Variants in CDH23 observed in about 807,000 individuals in gnomAD.
CDH23 encodes cadherin-23.
A neutral mutation model predicts 317.1 loss-of-function variants in CDH23; 189 were observed. The observed-to-expected ratio is 0.60, with a 90% confidence interval of 0.53 to 0.67. CDH23 has a LOEUF of 0.67. Ranked by LOEUF, CDH23 falls within the 30% of genes least tolerant of loss-of-function variation. The pLI is 0.00. For missense variants in CDH23, 4,401 were observed against 4,592.4 expected (o/e 0.96, Z 1.20); for synonymous variants, 1,839 against 1,876.8 (o/e 0.98, Z 0.52).
chr10:71,426,871 C>T (rs1414208332), intron 1 of CDH23, among the ~76,000 whole-genome samples: 3 of 151,966 alleles, frequency 2.0e-5, no homozygotes, highest in Non-Finnish European at 2.9e-5. Flanking sequence ...TTTAGCTGGG[C>T]GCAGTGGCTC....
At chr10:71,805,001 A>G (rs1468603966) in intron 55 of CDH23, among the ~76,000 whole-genome samples, 1 of 152,182 alleles carries the variant, frequency 6.6e-6, no homozygotes, top group Non-Finnish European at 1.5e-5. Context: ...AATTATCTAT[A>G]TGTCGTCCTA....
intron 34 of CDH23, among the ~76,000 whole-genome samples, chr10:71,735,061 G>A (rs1344991216): frequency 6.6e-6 from 1 of 152,260 alleles, no homozygotes. Flanking sequence ...CTCAGAGGAT[G>A]AGATGGAAGC....
In CDH23 at chr10:71,751,954, C is replaced by T. The variant is rs987695520; in HGVS notation, c.4845+10033C>T. The T allele has an allele frequency of 7.8e-7, 1 of 1,285,022 alleles. No homozygotes were observed. The highest frequency in any genetic ancestry group is 1.5e-5 in the African/African-American group (1 of 67,754). The allele number at this position is 1,285,022 out of a possible 1,614,324, so 79.6% of individuals were successfully genotyped here. On this transcript the variant is annotated intron_variant, in intron 38 of 69. Coordinates refer to ENST00000224721, the MANE Select transcript of CDH23 (RefSeq NM_022124.6). The surrounding 1 kb of genome is among the most constrained non-coding windows in gnomAD (Gnocchi z 4.9). ...CAGTTTTTCTCTCCTCCCTTTCTCT[C>T]ACCTACATCCCCATCCCCAAGCCTC...
intron 28 of CDH23, 187 bp downstream of exon 28, chr10:71,713,000 G>C (rs1158055735): frequency 2.6e-6 from 2 of 776,750 alleles, no homozygotes; most frequent in Non-Finnish European, 2.2e-6. Context: ...GGGAGTGTGG[G>C]CCCCCAGGTT....
chr10:71,712,797 G>GT lies in CDH23; in HGVS notation c.3353_3354insT (p.His1119ProfsTer13). 6.2e-7 allele frequency: 1 copy of GT among 1,612,502 alleles called. No homozygotes were observed. The highest frequency in any genetic ancestry group is 8.5e-7 in the Non-Finnish European group (1 of 1,179,516). Reference sequence around the variant, plus strand: ...AGCGTCCCTGAGGACATCCCTGAAGGCCACAGCATCTTGCAGGCAGGTGGC... The same window carrying GT: ...AGCGTCCCTGAGGACATCCCTGAAGGTCCACAGCATCTTGCAGGCAGGTGGC... On this transcript the variant is annotated frameshift_variant, in exon 28 of 70. Coordinates refer to ENST00000224721, the MANE Select transcript of CDH23 (RefSeq NM_022124.6). LOFTEE classifies it high-confidence loss of function.
chr10:71,500,582 G>GC (rs1458581111), intron 3 of CDH23, among the ~76,000 whole-genome samples: 1 of 152,218 alleles, frequency 6.6e-6, no homozygotes, highest in Non-Finnish European at 1.5e-5. Context: ...CCACCTGGAG[G>GC]CCGCCCCCAT....
Position 71,716,004 on chromosome 10 carries a change from G to A in CDH23, c.3369+3191G>A, listed in dbSNP as rs745887522. On this transcript the variant is annotated intron_variant, in intron 28 of 69. Transcript: ENST00000224721. Reference sequence around the variant, plus strand: ...TCCTCGGGGCCCGGCAGGGGCTGTCGAGGGACGGTGGGCCGGCCATGGCGG... The same window carrying A: ...TCCTCGGGGCCCGGCAGGGGCTGTCAAGGGACGGTGGGCCGGCCATGGCGG... 5.0e-5 allele frequency: 75 copies of A among 1,500,156 alleles called. No individual in the cohort carries two copies. In the African/African-American group the frequency reaches 8.9e-4, roughly 18 times the overall value. The allele number at this position is 1,500,156 out of a possible 1,614,324, so 92.9% of individuals were successfully genotyped here.
At chr10:71,788,516 C>T (rs1002614458) in intron 44 of CDH23, among the ~76,000 whole-genome samples, 14 of 151,684 alleles carry the variant, frequency 9.2e-5, no homozygotes, top group African/African-American at 2.2e-4. Flanking sequence ...AGTGCAGTGG[C>T]GTGATATCCG....
intron 1 of CDH23, among the ~76,000 whole-genome samples, chr10:71,422,002 A>G (rs1026509863): frequency 6.6e-6 from 1 of 152,196 alleles, no homozygotes; most frequent in African/African-American, 2.4e-5. Flanking sequence ...TGAGCTTCCC[A>G]CCCCTGGATG....
intron 1 of CDH23, among the ~76,000 whole-genome samples, chr10:71,425,369 G>A (rs1849020897): frequency 1.4e-4 from 3 of 20,744 alleles, no homozygotes; most frequent in Admixed American, 1.2e-3. Flanking sequence ...GAAAGAGAGA[G>A]GAGAAGGAAG....
At position 71,397,853 on chromosome 10, in the gene CDH23, G is replaced by T. The variant is rs1210771442; in HGVS notation, c.-6+535G>T. On this transcript the variant is annotated intron_variant, in intron 1 of 69. Transcript: ENST00000224721. This position sits in a 1 kb window ranked among gnomAD's most constrained non-coding sequence, Gnocchi z 4.8. ...CTCCCCTCATCAAGTCCCTGTGCCC[G>T]CGGGAGACCCCAGGGGACTTACACA... Among the ~76,000 whole-genome samples, 6 of 152,138 alleles carry T rather than the reference G, an allele frequency of 3.9e-5. No individual in the cohort carries two copies. The highest frequency in any genetic ancestry group is 7.2e-5 in the African/African-American group (3 of 41,442).
In CDH23 at chr10:71,679,397, A is replaced by G; in HGVS notation, c.1763A>G (p.Glu588Gly). Residue 588 changes from glutamate to glycine, a missense_variant, in exon 17 of 70, where the codon GAA (glutamate) becomes GGA (glycine). Coordinates refer to ENST00000224721, the MANE Select transcript of CDH23 (RefSeq NM_022124.6). ...TQLVRLRATD[E>G]DSPPNNQITY... ...CCCTCTTCCTTTCAGGCAACAGATG[A>G]AGACTCCCCTCCCAACAACCAGATC... 1 of 1,607,558 alleles carries G rather than the reference A, an allele frequency of 6.2e-7. No individual in the cohort carries two copies. Among genetic ancestry groups the G allele is most frequent in the Non-Finnish European group, 8.5e-7 (1 of 1,176,008 alleles).
chr10:71,605,404 A>T (rs893024860), intron 9 of CDH23, among the ~76,000 whole-genome samples: 10 of 152,172 alleles, frequency 6.6e-5, no homozygotes, highest in Non-Finnish European at 1.0e-4. Flanking sequence ...TATCTGGGGG[A>T]AAGTGCTACC....
At chr10:71,675,903 CTTT>C (rs66656163) in intron 15 of CDH23, among the ~76,000 whole-genome samples, 1 of 120,878 alleles carries the variant, frequency 8.3e-6, no homozygotes, top group Admixed American at 8.9e-5. Context: ...AGCCCTCTAA[CTTT>C]TTTTTTTTTT....
intron 26 of CDH23, chr10:71,707,586 C>T: frequency 1.0e-6 from 1 of 962,678 alleles, no homozygotes; most frequent in South Asian, 4.3e-5. Flanking sequence ...GGAAAGTGAG[C>T]TGCAATGGAT....
At chr10:71,604,046 G>A (rs1860388168) in intron 9 of CDH23, among the ~76,000 whole-genome samples, 1 of 152,206 alleles carries the variant, frequency 6.6e-6, no homozygotes, top group African/African-American at 2.4e-5. Context: ...CTCTGTGACT[G>A]GCCAGTGGTG....
chr10:71,682,367 T>C, intron 17 of CDH23, 78 bp from the exon 18 acceptor site: 1 of 1,556,734 alleles, frequency 6.4e-7, no homozygotes, highest in Non-Finnish European at 8.7e-7. Context: ...ATAACTTCTC[T>C]GCCCAAAGGG....
rs1394107570 is a variant in CDH23 at position 71,397,171 on chromosome 10, G to A, written c.-153G>A. The A allele has an allele frequency of 8.5e-6, 2 of 235,882 alleles. No individual in the cohort carries two copies. The highest frequency in any genetic ancestry group is 1.7e-5 in the Non-Finnish European group (2 of 118,162). The allele number at this position is 235,882 out of a possible 1,614,324, so 14.6% of individuals were successfully genotyped here. A position where few individuals can be genotyped will look rare whatever the true frequency, so the allele number is the denominator to read the frequency against. On this transcript the variant is annotated 5_prime_UTR_variant, in exon 1 of 70. Transcript: ENST00000224721. This position sits in a 1 kb window ranked among gnomAD's most constrained non-coding sequence, Gnocchi z 4.8. ...GCGAGCGGCCCGCGGAGACCCAGGAGCTGCCGGCACGCCGCGGATGAGCCT... is the reference window on the plus strand; with the variant it reads ...GCGAGCGGCCCGCGGAGACCCAGGAACTGCCGGCACGCCGCGGATGAGCCT...
At chr10:71,401,004 T>A (rs986855829) in intron 1 of CDH23, among the ~76,000 whole-genome samples, 18 of 152,192 alleles carry the variant, frequency 1.2e-4, no homozygotes, top group African/African-American at 3.4e-4. Flanking sequence ...TGCTTTGGGT[T>A]CCTCTTGGCG....
Sources: gnomAD v4.1 joint callset for allele counts (sites outside exome capture counted in the v4.1 genomes callset) on GRCh38, gnomAD v4.1.1 for gene constraint, Gnocchi (gnomAD v3.1) non-coding constraint, MANE v1.5 for transcripts, NCBI Gene and HGNC (gene_info 2026-07-23, HGNC 2026-07-21) for gene names.